The following MRAS variants were observed in gnomAD, a reference collection of about 807,000 sequenced individuals.
MRAS encodes the protein ras-related protein M-Ras.
MRAS carries 4 observed loss-of-function variants against 20.9 expected under a neutral mutation model. That is an observed-to-expected ratio of 0.19 (90% CI 0.09 to 0.44). The LOEUF (loss-of-function observed/expected upper bound fraction) is 0.44. Among genes scored for constraint, MRAS ranks in the 20% least tolerant of loss-of-function variants. The pLI, the probability that MRAS is intolerant of heterozygous loss-of-function variation, is 0.99. For synonymous variants in MRAS, 98 were observed against 102.9 expected (o/e 0.95, Z 0.29); for missense variants, 154 against 277.5 (o/e 0.56, Z 3.16).
intron 1 of MRAS, among the ~76,000 whole-genome samples, chr3:138,366,723 C>T (rs1010696552): frequency 1.3e-5 from 2 of 152,238 alleles, no homozygotes; most frequent in African/African-American, 4.8e-5. Context: ...TCTAACATGA[C>T]CCTCGGCATC....
intron 2 of MRAS, among the ~76,000 whole-genome samples, chr3:138,373,979 C>A (rs989353518): frequency 6.6e-6 from 1 of 151,314 alleles, no homozygotes; most frequent in Admixed American, 6.6e-5. Flanking sequence ...TTTGGGGGGA[C>A]GGAGTCTCGC....
At chr3:138,396,332 G>A (rs1011037952) in intron 2 of MRAS, among the ~76,000 whole-genome samples, 3 of 152,206 alleles carry the variant, frequency 2.0e-5, no homozygotes, top group Non-Finnish European at 2.9e-5. Context: ...CCAGGCATGA[G>A]AAGCCAGACT....
At chr3:138,372,386 C>T (rs931726300) in intron 1 of MRAS, among the ~76,000 whole-genome samples, 1 of 152,156 alleles carries the variant, frequency 6.6e-6, no homozygotes, top group Non-Finnish European at 1.5e-5. Context: ...CTCAGAGTCC[C>T]AGAGCTCAGG....
intron 1 of MRAS, among the ~76,000 whole-genome samples, chr3:138,365,924 G>A (rs1482139096): frequency 6.6e-6 from 1 of 152,222 alleles, no homozygotes; most frequent in Non-Finnish European, 1.5e-5. Context: ...TACATGGTTG[G>A]GTGGGTGGTT....
At position 138,402,177 on chromosome 3, in the gene MRAS, A is replaced by G; in HGVS notation, c.535A>G (p.Ile179Val). Residue 179 changes from isoleucine (I) to valine (V), a missense_variant, in exon 6 of 6, where the codon ATT becomes GTT. Around this residue, in one of 3 missense-constraint regions of MRAS, gnomAD observed 125 missense variants for 213.5 expected, o/e 0.59. Coordinates refer to ENST00000423968, the MANE Select transcript of MRAS (RefSeq NM_001085049.3). The stretch of plus-strand genomic sequence containing the variant: ...CCTTCATTGTTTCAAAAGGCAACAG[A>G]TTCCGGAAAAAAGCCAGAAGAAGAA... ...HDLVRVIRQQ[I>V]PEKSQKKKKK... The G allele has an allele frequency of 6.2e-7, 1 of 1,614,234 alleles. No homozygotes were observed. Among genetic ancestry groups the G allele is most frequent in the Non-Finnish European group, 8.5e-7 (1 of 1,180,020 alleles).
intron 1 of MRAS, among the ~76,000 whole-genome samples, chr3:138,354,714 G>A (rs2054295184): frequency 6.6e-6 from 1 of 152,146 alleles, no homozygotes; most frequent in Admixed American, 6.5e-5. Context: ...TTAATGATAG[G>A]TTTGTATGTT....
chr3:138,348,658 C>G lies in MRAS; in HGVS notation c.-128C>G. 1 of 151,606 alleles carries G rather than the reference C, an allele frequency of 6.6e-6. No homozygotes were observed. Among genetic ancestry groups the G allele is most frequent in the Non-Finnish European group, 1.5e-5 (1 of 67,882 alleles). The allele number at this position is 151,606 out of a possible 1,614,324, so 9.4% of individuals were successfully genotyped here. The stretch of plus-strand genomic sequence containing the variant: ...CCGGAGTGGCCGGCTGGCGGGGAGC[C>G]GTCAGTCCGGCGGCCGCGGGGCCCG... On this transcript the variant is annotated 5_prime_UTR_variant, in exon 1 of 6. Coordinates refer to ENST00000423968, the MANE Select transcript of MRAS (RefSeq NM_001085049.3).
chr3:138,373,126 G>A (rs777088888), intron 2 of MRAS, 50 bp downstream of exon 2: 34 of 1,362,284 alleles, frequency 2.5e-5, no homozygotes, highest in Non-Finnish European at 3.2e-5. Flanking sequence ...AGATGGGGAG[G>A]ATCAGGGAAA....
At chr3:138,397,280 AG>A in intron 2 of MRAS, 43 bp from the exon 3 acceptor site, 1 of 1,603,194 alleles carries the variant, frequency 6.2e-7, no homozygotes. Flanking sequence ...TGGGGGCTAC[AG>A]GGTAGGTGAG....
intron 2 of MRAS, among the ~76,000 whole-genome samples, chr3:138,374,679 G>A (rs1054782024): frequency 2.0e-5 from 3 of 152,144 alleles, no homozygotes; most frequent in Non-Finnish European, 2.9e-5. Flanking sequence ...TAAGTGTTTG[G>A]TCTTTAGCAT....
chr3:138,401,177 C>T lies in MRAS; in HGVS notation c.527+564C>T, dbSNP rs147776556. 1.2e-4 allele frequency among the ~76,000 whole-genome samples: 19 copies of T among 152,346 alleles called. No homozygotes were observed. In the East Asian group the frequency reaches 3.7e-3, roughly 29 times the overall value. Reference sequence around the variant, plus strand: ...GTCAGGGTCAAGACGTTAATCACCTCATGCACTCATGACTAAAACAGCCTC... The same window carrying T: ...GTCAGGGTCAAGACGTTAATCACCTTATGCACTCATGACTAAAACAGCCTC... On this transcript the variant is annotated intron_variant, in intron 5 of 5. Coordinates refer to ENST00000423968, the MANE Select transcript of MRAS (RefSeq NM_001085049.3).
At chr3:138,361,266 G>T (rs2054442004) in intron 1 of MRAS, among the ~76,000 whole-genome samples, 1 of 152,226 alleles carries the variant, frequency 6.6e-6, no homozygotes, top group African/African-American at 2.4e-5. Context: ...GCGAGGGGAA[G>T]GGGGCACTTG....
intron 1 of MRAS, among the ~76,000 whole-genome samples, chr3:138,350,656 A>G (rs1019867066): frequency 6.6e-6 from 1 of 152,178 alleles, no homozygotes; most frequent in African/African-American, 2.4e-5. Flanking sequence ...TCACCTACAT[A>G]AGACACTTTA....
intron 4 of MRAS, among the ~76,000 whole-genome samples, chr3:138,398,876 G>A (rs2055298437): frequency 6.6e-6 from 1 of 152,234 alleles, no homozygotes; most frequent in African/African-American, 2.4e-5. Context: ...CTGAGGCCCT[G>A]GAACCTGGGC....
chr3:138,397,937 T>C (rs545574898), intron 3 of MRAS, among the ~76,000 whole-genome samples: 50 of 152,276 alleles, frequency 3.3e-4, no homozygotes, highest in African/African-American at 1.2e-3. Flanking sequence ...ATCAAAGAAA[T>C]ATAGGGAAAA....
chr3:138,361,016 C>A (rs1169259850), intron 1 of MRAS, among the ~76,000 whole-genome samples: 1 of 152,202 alleles, frequency 6.6e-6, no homozygotes, highest in African/African-American at 2.4e-5. Flanking sequence ...CTAAACAATG[C>A]CTCTTGGTGA....
intron 2 of MRAS, among the ~76,000 whole-genome samples, chr3:138,377,376 G>C (rs1052764323): frequency 2.6e-5 from 4 of 152,248 alleles, no homozygotes; most frequent in African/African-American, 4.8e-5. Flanking sequence ...TGAGGCCGAG[G>C]TGGGTGGATC....
chr3:138,397,187 G>T, intron 2 of MRAS, 137 bp from the exon 3 acceptor site: 1 of 1,029,602 alleles, frequency 9.7e-7, no homozygotes, highest in Non-Finnish European at 1.4e-6. Flanking sequence ...TAGAGAGAGA[G>T]CTTATGCAGC....
At chr3:138,375,791 G>A (rs2054771171) in intron 2 of MRAS, among the ~76,000 whole-genome samples, 1 of 152,310 alleles carries the variant, frequency 6.6e-6, no homozygotes, top group Middle Eastern at 3.4e-3. Context: ...GGAGGCTGAG[G>A]TGGGCAGATT....
Sources: allele counts gnomAD v4.1 joint callset (sites outside exome capture counted in the v4.1 genomes callset), GRCh38; gene constraint gnomAD v4.1.1; regional missense constraint gnomAD v4.1.1; transcripts MANE v1.5; gene names NCBI Gene and HGNC (gene_info 2026-07-23, HGNC 2026-07-21).